The following NLRP11 variants were observed in gnomAD, a reference collection of about 807,000 sequenced individuals.
The protein encoded by NLRP11 is NLR family pyrin domain containing 11.
A neutral mutation model predicts 79.3 loss-of-function variants in NLRP11; 53 were observed. The observed-to-expected ratio is 0.67, with a 90% CI of 0.54 to 0.84. The LOEUF (loss-of-function observed/expected upper bound fraction) is 0.84, where lower values mean the gene tolerates loss of function less well. Among genes scored for constraint, NLRP11 ranks in the 40% least tolerant of loss-of-function variants. NLRP11 has a pLI of 0.00. For synonymous variants in NLRP11, 518 were observed against 462.6 expected (o/e 1.12, Z -1.54); for missense variants, 1,264 against 1,255.0 (o/e 1.01, Z -0.11).
chr19:55,796,341 C>T, intron 5 of NLRP11, 91 bp from the exon 6 acceptor site: 2 of 1,021,924 alleles, frequency 2.0e-6, no homozygotes, highest in Non-Finnish European at 2.8e-6. Flanking sequence ...GAGACCTAAC[C>T]AAGTGCGATG....
At chr19:55,786,248 C>A (rs779200839) in intron 9 of NLRP11, among the ~76,000 whole-genome samples, 10 of 152,168 alleles carry the variant, frequency 6.6e-5, no homozygotes, top group Non-Finnish European at 1.0e-4. Context: ...ACAGGCTGGA[C>A]GCAGTCCAGT....
intron 4 of NLRP11, among the ~76,000 whole-genome samples, chr19:55,804,572 T>C (rs1203477859): frequency 6.6e-6 from 1 of 151,832 alleles, no homozygotes; most frequent in Non-Finnish European, 1.5e-5. Flanking sequence ...CTCATGGACC[T>C]GAAGAGGAGA....
chr19:55,807,471 A>T (rs1448251990), intron 4 of NLRP11, among the ~76,000 whole-genome samples: 2 of 152,116 alleles, frequency 1.3e-5, no homozygotes, highest in African/African-American at 2.4e-5. Context: ...CTACTTTCCC[A>T]GTCCCCCTTT....
In NLRP11 at chr19:55,822,739, C is replaced by G. The variant is rs567288946; in HGVS notation, c.-62-4503G>C. Reference sequence around the variant, plus strand: ...AAACGGCGCACCATGAGACTATATCCCACACCTGGCTCGGAGGGTCCTATG... The same window carrying G: ...AAACGGCGCACCATGAGACTATATCGCACACCTGGCTCGGAGGGTCCTATG... On this transcript the variant is annotated intron_variant, in intron 1 of 9. Coordinates refer to ENST00000589093, the Ensembl canonical transcript of NLRP11. 1.3e-5 allele frequency among the ~76,000 whole-genome samples: 2 copies of G among 152,274 alleles called. 1 individual carries two copies. Among genetic ancestry groups the G allele is most frequent in the South Asian group, 4.1e-4 (2 of 4,824 alleles).
In NLRP11 at chr19:55,821,205, TCACACA is replaced by T. The variant is rs950312294; in HGVS notation, c.-62-2975_-62-2970del. ...ATGTGACCAGCTCTCTCTCTCTCTC[TCACACA>T]CACACACACACACACACACACACAC... On this transcript the variant is annotated intron_variant, in intron 1 of 9. Transcript: ENST00000589093. Among the ~76,000 whole-genome samples the T allele has an allele frequency of 2.3e-3, 196 of 85,238 alleles. 1 individual carries two copies. Among genetic ancestry groups the T allele is most frequent in the African/African-American group, 5.3e-3 (91 of 17,304 alleles). The allele number at this position is 85,238 out of a possible 152,430, so 55.9% of individuals were successfully genotyped here. A position where few individuals can be genotyped will look rare whatever the true frequency, so the allele number is the denominator to read the frequency against.
intron 4 of NLRP11, among the ~76,000 whole-genome samples, chr19:55,807,024 C>T (rs1980065367): frequency 6.6e-6 from 1 of 152,124 alleles, no homozygotes; most frequent in African/African-American, 2.4e-5. Context: ...ATTCTTTTCC[C>T]CCCGTAACAC....
intron 4 of NLRP11, among the ~76,000 whole-genome samples, chr19:55,803,370 A>T (rs527669086): frequency 3.3e-4 from 50 of 152,164 alleles, no homozygotes; most frequent in Non-Finnish European, 5.1e-4. Flanking sequence ...CAAAACAAAA[A>T]CTAGGCAATA....
intron 4 of NLRP11, 62 bp downstream of exon 4, chr19:55,807,787 GAGAA>G: frequency 8.9e-7 from 1 of 1,121,510 alleles, no homozygotes. Flanking sequence ...TCTTCTCCCA[GAGAA>G]AGAAAAAGAC....
In NLRP11 at chr19:55,809,637, G is replaced by A; in HGVS notation, c.973C>T (p.Leu325Phe). 6.2e-7 allele frequency: 1 copy of A among 1,614,210 alleles called. No homozygotes were observed. Among genetic ancestry groups the A allele is most frequent in the Non-Finnish European group, 8.5e-7 (1 of 1,180,030 alleles). The change falls in exon 3 of 10, where the codon CTT (leucine) becomes TTT (phenylalanine). Residue 325 changes from leucine (L) to phenylalanine (F), a missense_variant. Coordinates refer to ENST00000589093, the Ensembl canonical transcript of NLRP11. This position sits in a 1 kb window ranked among gnomAD's most constrained non-coding sequence, Gnocchi z 4.5. Reference sequence around the variant, plus strand: ...ACGAGTATTTCATCCTCATGTACAAGCTGGAGGGCTGCCGACGCCCTCTGG... The same window carrying A: ...ACGAGTATTTCATCCTCATGTACAAACTGGAGGGCTGCCGACGCCCTCTGG...
chr19:55,795,486 T>C (rs1978743872), intron 6 of NLRP11, among the ~76,000 whole-genome samples: 1 of 151,720 alleles, frequency 6.6e-6, no homozygotes, highest in South Asian at 2.1e-4. Context: ...GTGACCACCA[T>C]TTTTTATTTT....
rs1296487184 is a variant in NLRP11, at chr19:55,807,549, G to T, written c.2003+304C>A. ...TGAGATGCAAGCAGAAGTGATACAA[G>T]AAAGAGTTTTGAAAAGACTCCATCA... On this transcript the variant is annotated intron_variant, in intron 4 of 9. Transcript: ENST00000589093. Among the ~76,000 whole-genome samples, 3 of 152,162 alleles carry T rather than the reference G, an allele frequency of 2.0e-5. No individual in the cohort carries two copies. In the East Asian group the frequency reaches 5.8e-4, roughly 29 times the overall value.
At chr19:55,796,603 A>G (rs1439510571) in intron 5 of NLRP11, among the ~76,000 whole-genome samples, 2 of 152,114 alleles carry the variant, frequency 1.3e-5, no homozygotes, top group Non-Finnish European at 2.9e-5. Flanking sequence ...AAGACCCTCA[A>G]CTTACCATCA....
chr19:55,792,585 A>T (rs1055471187), intron 6 of NLRP11, 114 bp from the exon 7 acceptor site: 20 of 710,066 alleles, frequency 2.8e-5, no homozygotes, highest in Non-Finnish European at 4.3e-5. Context: ...CCATTGCCCC[A>T]AATCTCTACC....
exon 6 of NLRP11, chr19:55,796,108 G>T: frequency 6.2e-7 from 1 of 1,613,894 alleles, no homozygotes; most frequent in Non-Finnish European, 8.5e-7. Flanking sequence ...CAGTTGGGAT[G>T]AAGCAAGGCA....
Position 55,809,644 on chromosome 19 carries a change from G to A in NLRP11, c.966C>T (p.Ala322=), listed in dbSNP as rs770321723. 2 of 1,614,168 alleles carry A rather than the reference G, an allele frequency of 1.2e-6. No individual in the cohort carries two copies. The highest frequency in any genetic ancestry group is 3.3e-5 in the Admixed American group (2 of 60,012). Residue 322 remains alanine (A), a synonymous_variant, in exon 3 of 10, where the codon GCC becomes GCT. Coordinates refer to ENST00000589093, the Ensembl canonical transcript of NLRP11. The surrounding 1 kb of genome is among the most constrained non-coding windows in gnomAD (Gnocchi z 4.5). ...TTTCATCCTCATGTACAAGCTGGAGGGCTGCCGACGCCCTCTGGCGGTCTT... is the reference window on the plus strand; with the variant it reads ...TTTCATCCTCATGTACAAGCTGGAGAGCTGCCGACGCCCTCTGGCGGTCTT...
chr19:55,787,405 C>T (rs1230826027), intron 9 of NLRP11, among the ~76,000 whole-genome samples: 2 of 152,148 alleles, frequency 1.3e-5, no homozygotes, highest in Non-Finnish European at 2.9e-5. Flanking sequence ...GGTGCGATCT[C>T]GGCTCACTGC....
upstream of NLRP11, among the ~76,000 whole-genome samples, chr19:55,833,549 A>C (rs1457130942): frequency 6.6e-6 from 1 of 151,896 alleles, no homozygotes; most frequent in Non-Finnish European, 1.5e-5. Flanking sequence ...GCAGATCAGA[A>C]GGTCAGAAGA....
chr19:55,786,469 C>T (rs979717062), intron 9 of NLRP11, among the ~76,000 whole-genome samples: 5 of 151,956 alleles, frequency 3.3e-5, no homozygotes, highest in Admixed American at 3.3e-4. Context: ...TGCAGTGAGC[C>T]ATGATCACAC....
intron 7 of NLRP11, 116 bp downstream of exon 7, chr19:55,792,185 C>A (rs1025448602): frequency 1.1e-6 from 1 of 872,848 alleles, no homozygotes; most frequent in African/African-American, 1.7e-5. Flanking sequence ...CCCATGCTCC[C>A]GTACCCCTAT....
Sources: gnomAD v4.1 joint callset for allele counts (sites outside exome capture counted in the v4.1 genomes callset) on GRCh38, gnomAD v4.1.1 for gene constraint, Gnocchi (gnomAD v3.1) non-coding constraint, MANE v1.5 for transcripts, NCBI Gene and HGNC (gene_info 2026-07-23, HGNC 2026-07-21) for gene names.